RIN2: variants seen among roughly 807,000 people sequenced by gnomAD.
The protein encoded by RIN2 is RAB5 interacting protein 2.
In RIN2, 36 loss-of-function variants were observed where a neutral mutation model predicts 78.0. The ratio of observed to expected loss-of-function variants is 0.46; its 90% CI spans 0.35 to 0.61. The LOEUF is 0.61. Ranked by LOEUF, RIN2 falls within the 20% of genes least tolerant of loss-of-function variation. The pLI is 0.00. For synonymous variants in RIN2, 466 were observed against 466.8 expected, an observed-to-expected ratio of 1.00 and a Z score of 0.02; for missense variants, 1,087 against 1,159.7, an observed-to-expected ratio of 0.94 and a Z score of 0.91.
At chr20:19,969,456 A>C (rs543428338) in intron 7 of RIN2, among the ~76,000 whole-genome samples, 1 of 152,200 alleles carries the variant, frequency 6.6e-6, no homozygotes, top group African/African-American at 2.4e-5. Context: ...CCACCATTAG[A>C]TCTTCAGTCA....
rs1400986001 is a variant in RIN2 at position 19,799,636 on chromosome 20, T to G, written c.-148T>G. The G allele has an allele frequency of 6.6e-6, 1 of 152,118 alleles. No individual in the cohort carries two copies. Among genetic ancestry groups the G allele is most frequent in the Non-Finnish European group, 1.5e-5 (1 of 68,024 alleles). The allele number at this position is 152,118 out of a possible 1,614,324, so 9.4% of individuals were successfully genotyped here. ...TTGTGTTGTAGATGGAGACGAGAGA[T>G]CTGGACTTCTGAACATCTACCGGAA... is the stretch of plus-strand genomic sequence containing the variant. On this transcript the variant is annotated 5_prime_UTR_variant, in exon 2 of 13. Coordinates refer to ENST00000255006, the MANE Select transcript of RIN2 (RefSeq NM_018993.4).
At chr20:19,889,348 G>A (rs1473326331) in intron 2 of RIN2, 7 of 1,246,464 alleles carry the variant, frequency 5.6e-6, no homozygotes, top group Non-Finnish European at 7.1e-6. Flanking sequence ...CAGTGGCAGA[G>A]GTGGGAGGTG....
intron 2 of RIN2, among the ~76,000 whole-genome samples, chr20:19,828,282 C>A (rs1457353583): frequency 6.6e-6 from 1 of 152,216 alleles, no homozygotes; most frequent in Non-Finnish European, 1.5e-5. Flanking sequence ...TTTCCTCTTA[C>A]AATGCCTCTC....
intron 1 of RIN2, among the ~76,000 whole-genome samples, chr20:19,790,208 C>G (rs2034845031): frequency 6.6e-6 from 1 of 152,076 alleles, no homozygotes; most frequent in South Asian, 2.1e-4. Context: ...CAATCTGGAT[C>G]TCCCTAGAAA....
chr20:19,877,234 T>C (rs74173339), intron 2 of RIN2, among the ~76,000 whole-genome samples: 24 of 149,462 alleles, frequency 1.6e-4, no homozygotes, highest in African/African-American at 9.8e-5. Context: ...ATGTTATCTG[T>C]TTTCCTATTA....
chr20:19,940,796 G>T (rs1162055690), intron 4 of RIN2, among the ~76,000 whole-genome samples: 1 of 152,218 alleles, frequency 6.6e-6, no homozygotes, highest in African/African-American at 2.4e-5. Flanking sequence ...CCTGAGGTAG[G>T]TTCCACCCTC....
chr20:19,849,363 G>A (rs990862177), intron 2 of RIN2, among the ~76,000 whole-genome samples: 7 of 152,108 alleles, frequency 4.6e-5, no homozygotes, highest in Non-Finnish European at 8.8e-5. Flanking sequence ...AACCGGGGCC[G>A]AGGTTAGAGA....
At chr20:19,985,846 G>A (rs1392459419) in intron 9 of RIN2, among the ~76,000 whole-genome samples, 2 of 152,172 alleles carry the variant, frequency 1.3e-5, no homozygotes, top group Non-Finnish European at 2.9e-5. Context: ...AAGAACTCAG[G>A]AAACATTTTA....
At chr20:19,824,055 C>G in intron 2 of RIN2, 1 of 659,204 alleles carries the variant, frequency 1.5e-6, no homozygotes, top group Non-Finnish European at 2.6e-6. Flanking sequence ...GCTTCTATGG[C>G]CCCCCAGGGA....
Position 19,956,755 on chromosome 20 carries a change from T to A in RIN2, c.299T>A (p.Leu100Gln). The A allele has an allele frequency of 1.2e-6, 2 of 1,605,302 alleles. No individual in the cohort carries two copies. Among genetic ancestry groups the A allele is most frequent in the Non-Finnish European group, 1.7e-6 (2 of 1,175,918 alleles). The change falls in exon 5 of 13, where the codon CTG (leucine) becomes CAG (glutamine). Residue 100 changes from leucine to glutamine, a missense_variant. Coordinates refer to ENST00000255006, the MANE Select transcript of RIN2 (RefSeq NM_018993.4). ...CACACCCACCCCATATGGCTGCAGC[T>A]GAGTCTGAGTGAGGAGGAGGCAGCA... ...LLHTHPIWLQ[L>Q]SLSEEEAAEV...
rs573590563 is a variant in RIN2, at chr20:19,884,912, G to T, written c.-36-4654G>T. On this transcript the variant is annotated intron_variant, in intron 2 of 12. Coordinates refer to ENST00000255006, the MANE Select transcript of RIN2 (RefSeq NM_018993.4). ...TCTTAGATTCGGACTTGACCTGACA[G>T]GTCCTCTAGGGTGAGTCACTTTTTC... 3.9e-5 allele frequency among the ~76,000 whole-genome samples: 6 copies of T among 152,308 alleles called. No individual in the cohort carries two copies. In the East Asian group the frequency reaches 1.2e-3, roughly 29 times the overall value.
At position 19,977,171 on chromosome 20, in the gene RIN2, T is replaced by G. The variant is rs573291046; in HGVS notation, c.1762+1384T>G. Among the ~76,000 whole-genome samples the G allele has an allele frequency of 2.2e-4, 34 of 152,080 alleles. No individual in the cohort carries two copies. The South Asian group carries it at 5.6e-3, about 25-fold the overall frequency. On this transcript the variant is annotated intron_variant, in intron 9 of 12. Transcript: ENST00000255006. ...AGAAACCCAACCTGCAGGAGAAGCT[T>G]CCTCTTAGGGGCTGGGGTCAGAGGG...
At chr20:19,947,390 C>T (rs6106159) in intron 4 of RIN2, among the ~76,000 whole-genome samples, 13,898 of 152,210 alleles carry the variant, frequency 0.091, 694 homozygotes, top group Non-Finnish European at 0.094. Flanking sequence ...AATTAACCTA[C>T]ACTTTTCCAC....
chr20:19,841,991 G>A (rs534429379), intron 2 of RIN2, among the ~76,000 whole-genome samples: 58 of 152,322 alleles, frequency 3.8e-4, no homozygotes, highest in African/African-American at 1.4e-3. Context: ...AGCTCTTATA[G>A]CTAGAGAGAA....
At chr20:19,792,939 C>CTGTG (rs36049213) in intron 1 of RIN2, among the ~76,000 whole-genome samples, 6,025 of 147,194 alleles carry the variant, frequency 0.041, 201 homozygotes, top group African/African-American at 0.098. Context: ...TAAGCAGCCA[C>CTGTG]TGTGTGTGTG....
chr20:19,915,918 C>A (rs1258778030), intron 3 of RIN2, among the ~76,000 whole-genome samples: 1 of 152,214 alleles, frequency 6.6e-6, no homozygotes, highest in Non-Finnish European at 1.5e-5. Context: ...AACCCTTACT[C>A]CATTCTTTCC....
At chr20:19,844,601 CTCTTCTTCTTCTTCTTCTTCTTCT>C (rs1181481041) in intron 2 of RIN2, among the ~76,000 whole-genome samples, 4,048 of 123,110 alleles carry the variant, frequency 0.033, 131 homozygotes, top group South Asian at 0.064. Context: ...CTGCTTCTTC[CTCTTCTTCTTCTTCTTCTTCTTCT>C]TCTTCTTCTT....
At chr20:19,795,164 C>T (rs1035894580) in intron 1 of RIN2, among the ~76,000 whole-genome samples, 1 of 152,156 alleles carries the variant, frequency 6.6e-6, no homozygotes, top group Admixed American at 6.5e-5. Flanking sequence ...CTGCTTAACC[C>T]GGACTCGCAG....
chr20:20,000,775 A>T lies in RIN2; in HGVS notation c.2527A>T (p.Thr843Ser), dbSNP rs1325883013. 1 of 1,613,884 alleles carries T rather than the reference A, an allele frequency of 6.2e-7. No homozygotes were observed. The highest frequency in any genetic ancestry group is 8.5e-7 in the Non-Finnish European group (1 of 1,179,900). ...CAGCCTCTTTCTCTTCGTTGACGAGACATGGCAGCAGCTGGCAGAGGACAC... is the reference window on the plus strand; with the variant it reads ...CAGCCTCTTTCTCTTCGTTGACGAGTCATGGCAGCAGCTGGCAGAGGACAC... Reference protein sequence around the residue: ...EYSLFLFVDETWQQLAEDTYP... With the variant: ...EYSLFLFVDESWQQLAEDTYP... The change falls in exon 13 of 13, where the codon ACA becomes TCA. Residue 843 changes from threonine to serine, a missense_variant. Thr to Ser is a moderately conservative substitution (Grantham distance 58). Around this residue, in one of 8 missense-constraint regions of RIN2, gnomAD observed 160 missense variants for 179.4 expected, o/e 0.89. Transcript: ENST00000255006.
Sources: gnomAD v4.1 joint callset for allele counts (sites outside exome capture counted in the v4.1 genomes callset) on GRCh38, gnomAD v4.1.1 for gene constraint, gnomAD v4.1.1 regional missense constraint, MANE v1.5 for transcripts, NCBI Gene and HGNC (gene_info 2026-07-23, HGNC 2026-07-21) for gene names.